The following EFCAB6 variants were observed in gnomAD, a reference collection of about 807,000 sequenced individuals.
The protein encoded by EFCAB6 is EF-hand calcium binding domain 6.
In EFCAB6, 156 loss-of-function variants were observed where a neutral mutation model predicts 169.8. That is an observed-to-expected ratio of 0.92 (90% CI 0.81 to 1.05). EFCAB6 has a LOEUF of 1.05. EFCAB6 is among the 50% of genes least tolerant of loss of function. The pLI is 0.00. For missense variants in EFCAB6, 1,800 were observed against 1,829.1 expected (o/e 0.98, Z 0.29); for synonymous variants, 698 against 676.4 (o/e 1.03, Z -0.50).
intron 22 of EFCAB6, among the ~76,000 whole-genome samples, chr22:43,601,594 A>G (rs2052526668): frequency 6.6e-6 from 1 of 152,202 alleles, no homozygotes; most frequent in Non-Finnish European, 1.5e-5. Flanking sequence ...ATCCTGGAGG[A>G]TCTACGGAAC....
At chr22:43,671,090 T>A (rs552582349) in intron 15 of EFCAB6, among the ~76,000 whole-genome samples, 1 of 152,252 alleles carries the variant, frequency 6.6e-6, no homozygotes, top group African/African-American at 2.4e-5. Context: ...TCTCAGCTCC[T>A]GAGAGGTGAG....
chr22:43,732,083 C>A (rs1464023852), intron 7 of EFCAB6, among the ~76,000 whole-genome samples: 2 of 152,176 alleles, frequency 1.3e-5, no homozygotes, highest in Admixed American at 1.3e-4. Context: ...ATACCCCAAC[C>A]TAGACAGCAC....
chr22:43,765,957 C>T (rs766823871), intron 4 of EFCAB6, among the ~76,000 whole-genome samples: 1 of 152,112 alleles, frequency 6.6e-6, no homozygotes, highest in South Asian at 2.1e-4. Context: ...AAAAGAATAG[C>T]TCTTAGGAAA....
intron 10 of EFCAB6, among the ~76,000 whole-genome samples, chr22:43,687,986 A>C (rs1036932183): frequency 3.9e-5 from 6 of 152,236 alleles, no homozygotes; most frequent in African/African-American, 1.4e-4. Flanking sequence ...CCCAGCAAAG[A>C]AACATGGTAG....
At chr22:43,780,649 T>C (rs1483077132) in intron 3 of EFCAB6, among the ~76,000 whole-genome samples, 3 of 152,152 alleles carry the variant, frequency 2.0e-5, no homozygotes, top group Admixed American at 2.0e-4. Flanking sequence ...TTATTGCTGA[T>C]GATGTATTTT....
intron 20 of EFCAB6, among the ~76,000 whole-genome samples, chr22:43,625,885 G>C (rs976419170): frequency 6.6e-6 from 1 of 152,256 alleles, no homozygotes; most frequent in Non-Finnish European, 1.5e-5. Context: ...TCTGCACAGA[G>C]TTGGTGCACG....
chr22:43,579,402 G>GCATGCAGGCATCATTCTGTA (rs1555937937), intron 25 of EFCAB6, among the ~76,000 whole-genome samples: 1 of 79,544 alleles, frequency 1.3e-5, no homozygotes, highest in African/African-American at 4.8e-5. Flanking sequence ...ATCATTCCCT[G>GCATGCAGGCATCATTCTGTA]CATGCAGGCA....
intron 8 of EFCAB6, among the ~76,000 whole-genome samples, chr22:43,718,640 G>A (rs940735858): frequency 1.8e-4 from 28 of 152,098 alleles, no homozygotes; most frequent in Admixed American, 8.5e-4. Flanking sequence ...AAAATGAGCC[G>A]GTCATTGCGG....
chr22:43,754,881 G>C (rs1470766010), intron 6 of EFCAB6, among the ~76,000 whole-genome samples: 1 of 152,074 alleles, frequency 6.6e-6, no homozygotes, highest in Non-Finnish European at 1.5e-5. Context: ...ATAACAAATG[G>C]GTCACAGCAA....
chr22:43,701,168 T>G (rs2058751694), intron 10 of EFCAB6, among the ~76,000 whole-genome samples: 1 of 152,150 alleles, frequency 6.6e-6, no homozygotes, highest in Non-Finnish European at 1.5e-5. Context: ...ACTTTCTCCC[T>G]GGGGCTTGAG....
intron 23 of EFCAB6, 85 bp downstream of exon 23, chr22:43,599,984 G>C: frequency 7.2e-7 from 1 of 1,387,702 alleles, no homozygotes; most frequent in South Asian, 1.4e-5. Context: ...GCATGGGAAG[G>C]TACCATTTTA....
At chr22:43,782,146 C>T in intron 3 of EFCAB6, 34 bp downstream of exon 3, 1 of 1,595,516 alleles carries the variant, frequency 6.3e-7, no homozygotes, top group Non-Finnish European at 8.6e-7. Context: ...GTGATATCTA[C>T]AGTTAGTGTT....
chr22:43,738,024 ACAC>A (rs1354396859), intron 6 of EFCAB6, among the ~76,000 whole-genome samples: 2 of 151,514 alleles, frequency 1.3e-5, no homozygotes, highest in Non-Finnish European at 2.9e-5. Flanking sequence ...ACTCACACAC[ACAC>A]ACCTGCATAT....
chr22:43,571,224 C>T (rs775095453), intron 26 of EFCAB6, among the ~76,000 whole-genome samples: 1 of 152,156 alleles, frequency 6.6e-6, no homozygotes, highest in Non-Finnish European at 1.5e-5. Flanking sequence ...GTCATCTTTA[C>T]TCTCTGTGTG....
At chr22:43,719,216 C>T (rs2059439255) in intron 8 of EFCAB6, among the ~76,000 whole-genome samples, 1 of 152,186 alleles carries the variant, frequency 6.6e-6, no homozygotes, top group Admixed American at 6.5e-5. Flanking sequence ...GCCTCTCTCA[C>T]CACAATTATA....
In EFCAB6 at chr22:43,744,219, G is replaced by A. The variant is rs1029420500; in HGVS notation, c.508-8226C>T. On this transcript the variant is annotated intron_variant, in intron 6 of 31. Transcript: ENST00000262726. This position sits in a 1 kb window ranked among gnomAD's most constrained non-coding sequence, Gnocchi z 4.3. ...TGAATGAATGGATGGAAGGGCTATG[G>A]ACAGATGGATGTGGGGATGGATGAT... Among the ~76,000 whole-genome samples, 2 of 151,580 alleles carry A rather than the reference G, an allele frequency of 1.3e-5. No individual in the cohort carries two copies. The highest frequency in any genetic ancestry group is 2.9e-5 in the Non-Finnish European group (2 of 67,890).
At chr22:43,740,194 T>C (rs2060318915) in intron 6 of EFCAB6, among the ~76,000 whole-genome samples, 1 of 152,122 alleles carries the variant, frequency 6.6e-6, no homozygotes, top group South Asian at 2.1e-4. Context: ...CTAGTCACCA[T>C]GCAAATTAGG....
chr22:43,765,179 G>T, intron 5 of EFCAB6, 126 bp downstream of exon 5: 1 of 626,962 alleles, frequency 1.6e-6, no homozygotes, highest in African/African-American at 1.8e-5. Context: ...ATTCCATATG[G>T]ACAAGTTCTA....
intron 26 of EFCAB6, among the ~76,000 whole-genome samples, chr22:43,562,232 A>G (rs533461033): frequency 3.3e-5 from 5 of 152,358 alleles, no homozygotes; most frequent in African/African-American, 1.2e-4. Context: ...ACAGCCCACC[A>G]CTACCAGAAG....
Sources: gnomAD v4.1 joint callset for allele counts (sites outside exome capture counted in the v4.1 genomes callset) on GRCh38, gnomAD v4.1.1 for gene constraint, Gnocchi (gnomAD v3.1) non-coding constraint, MANE v1.5 for transcripts, NCBI Gene and HGNC (gene_info 2026-07-23, HGNC 2026-07-21) for gene names.